KATNAL1: variants seen among roughly 807,000 people sequenced by gnomAD.
KATNAL1 encodes katanin catalytic subunit A1 like 1.
Under a neutral mutation model 55.2 loss-of-function variants are expected in KATNAL1, and 32 were observed. That is an observed-to-expected ratio of 0.58 (90% confidence interval 0.44 to 0.78). The LOEUF is 0.78. Among genes scored for constraint, KATNAL1 ranks in the 30% least tolerant of loss-of-function variants. KATNAL1 has a pLI of 0.00. For missense variants in KATNAL1, 466 were observed against 600.9 expected (o/e 0.78, Z 2.35); for synonymous variants, 193 against 193.6 (o/e 1.00, Z 0.02).
At chr13:30,238,854 C>T (rs929845131) in intron 6 of KATNAL1, among the ~76,000 whole-genome samples, 18 of 152,204 alleles carry the variant, frequency 1.2e-4, no homozygotes, top group African/African-American at 4.3e-4. Flanking sequence ...AATGGTATCA[C>T]ACAATGCAGG....
intron 6 of KATNAL1, among the ~76,000 whole-genome samples, chr13:30,234,076 T>C (rs1876395813): frequency 6.6e-6 from 1 of 152,204 alleles, no homozygotes; most frequent in Non-Finnish European, 1.5e-5. Context: ...GTTCTTAGCA[T>C]GAAGACAAAT....
At chr13:30,271,663 A>T (rs1880370301) in intron 3 of KATNAL1, among the ~76,000 whole-genome samples, 1 of 152,130 alleles carries the variant, frequency 6.6e-6, no homozygotes, top group Admixed American at 6.5e-5. Flanking sequence ...ATTACAATTC[A>T]ACATGAGATG....
At chr13:30,294,009 AT>A (rs1195195604) in intron 1 of KATNAL1, among the ~76,000 whole-genome samples, 1 of 152,182 alleles carries the variant, frequency 6.6e-6, no homozygotes, top group African/African-American at 2.4e-5. Flanking sequence ...GGTGAATATA[AT>A]TGATAAATAC....
intron 10 of KATNAL1, among the ~76,000 whole-genome samples, chr13:30,209,541 GA>G (rs145182050): frequency 2.0e-5 from 3 of 151,962 alleles, no homozygotes; most frequent in African/African-American, 4.8e-5. Flanking sequence ...AGAAAAATAA[GA>G]AAAAAAATAA....
At chr13:30,243,927 A>G (rs1017846493) in intron 4 of KATNAL1, among the ~76,000 whole-genome samples, 1 of 151,782 alleles carries the variant, frequency 6.6e-6, no homozygotes, top group African/African-American at 2.4e-5. Context: ...AAATCTCATT[A>G]TTTTTCTTTT....
chr13:30,241,003 T>C lies in KATNAL1; in HGVS notation c.576A>G (p.Glu192=). ...DGAGYDKDLV[E]ALERDIVSRN... ...TGGATACAATGTCTCTTTCAAGGGC[T>C]TCCACCAGATCCTTATCATAACCAG... The change falls in exon 5 of 11, where the codon GAA becomes GAG. Residue 192 remains glutamate, a synonymous_variant. Coordinates refer to ENST00000380615, the MANE Select transcript of KATNAL1 (RefSeq NM_032116.5). 7 of 1,613,666 alleles carry C rather than the reference T, an allele frequency of 4.3e-6. No individual in the cohort carries two copies. Among genetic ancestry groups the C allele is most frequent in the Non-Finnish European group, 5.9e-6 (7 of 1,179,760 alleles).
chr13:30,262,576 G>A (rs561733551), intron 3 of KATNAL1, among the ~76,000 whole-genome samples: 211 of 152,254 alleles, frequency 1.4e-3, no homozygotes, highest in African/African-American at 4.8e-3. Context: ...TACCATCAGA[G>A]AATACTATAA....
rs1219127536 is a variant in KATNAL1, at chr13:30,203,268, A to G, written c.*5272T>C. On this transcript the variant is annotated 3_prime_UTR_variant, in exon 11 of 11. Transcript: ENST00000380615. The stretch of plus-strand genomic sequence containing the variant: ...TTTAAACAATTTCAAGATTAAAAAG[A>G]AAAGTTAATGGGAGGAGGGCAACAG... 1 of 152,246 alleles carries G rather than the reference A, an allele frequency of 6.6e-6. No homozygotes were observed. The highest frequency in any genetic ancestry group is 1.5e-5 in the Non-Finnish European group (1 of 68,038). The allele number at this position is 152,246 out of a possible 1,614,324, so 9.4% of individuals were successfully genotyped here.
chr13:30,274,756 A>C (rs548538690), intron 3 of KATNAL1, among the ~76,000 whole-genome samples: 11 of 152,062 alleles, frequency 7.2e-5, no homozygotes, highest in Non-Finnish European at 7.4e-5. Context: ...AGTGTGTCAG[A>C]TCTCTGCACT....
In KATNAL1 at chr13:30,212,628, G is replaced by A. The variant is rs1161433504; in HGVS notation, c.1148-2186C>T. Reference sequence around the variant, plus strand: ...TCATCTATTAATACTGCAGCTGTGCGGCACTACCTAGCAATTCACTCCTAG... The same window carrying A: ...TCATCTATTAATACTGCAGCTGTGCAGCACTACCTAGCAATTCACTCCTAG... On this transcript the variant is annotated intron_variant, in intron 9 of 10. Transcript: ENST00000380615. Among the ~76,000 whole-genome samples the A allele has an allele frequency of 1.1e-4, 17 of 152,164 alleles. 1 individual carries two copies. The highest frequency in any genetic ancestry group is 5.2e-4 in the Admixed American group (8 of 15,276).
At chr13:30,262,922 A>G (rs1227037031) in intron 3 of KATNAL1, among the ~76,000 whole-genome samples, 1 of 152,226 alleles carries the variant, frequency 6.6e-6, no homozygotes, top group Admixed American at 6.5e-5. Context: ...CCCAAAAAAG[A>G]GAATTTCAGA....
chr13:30,243,531 G>A (rs1877473368), intron 4 of KATNAL1, among the ~76,000 whole-genome samples: 1 of 140,742 alleles, frequency 7.1e-6, no homozygotes, highest in African/African-American at 2.7e-5. Flanking sequence ...GGAAGACCAA[G>A]GAAACTAGAG....
chr13:30,207,439 T>C lies in KATNAL1; in HGVS notation c.*1101A>G, dbSNP rs769621032. The C allele has an allele frequency of 3.9e-5, 6 of 152,262 alleles. No homozygotes were observed. Among genetic ancestry groups the C allele is most frequent in the Non-Finnish European group, 8.8e-5 (6 of 68,044 alleles). The allele number at this position is 152,262 out of a possible 1,614,324, so 9.4% of individuals were successfully genotyped here. A position where few individuals can be genotyped will look rare whatever the true frequency, so the allele number is the denominator to read the frequency against. ...GATGCTGTTTTGTTAAACTAGCTGT[T>C]TGGAAAACAATAAAGATTTCATTTG... is the stretch of plus-strand genomic sequence containing the variant. On this transcript the variant is annotated 3_prime_UTR_variant, in exon 11 of 11. Coordinates refer to ENST00000380615, the MANE Select transcript of KATNAL1 (RefSeq NM_032116.5).
At position 30,208,719 on chromosome 13, in the gene KATNAL1, T is replaced by C. The variant is rs760092099; in HGVS notation, c.1294A>G (p.Met432Val). 1.2e-6 allele frequency: 2 copies of C among 1,611,360 alleles called. No homozygotes were observed. The highest frequency in any genetic ancestry group is 1.7e-5 in the Admixed American group (1 of 59,734). ...NVCRDASLMA[M>V]RRRINGLSPE... is the part of the protein sequence containing the mutation. ...CTTAAGCCATTGATACGCCGTCTCA[T>C]TGCCATTAAAGAGGCATCCCTAAAA... Residue 432 changes from methionine (M) to valine (V), a missense_variant, in exon 11 of 11, where the codon ATG (methionine) becomes GTG (valine). Physicochemically the swap from Met to Val is conservative, Grantham distance 21 (BLOSUM62 1). This residue lies in a region of KATNAL1 where 213 missense variants were observed against 308.6 expected (regional missense o/e 0.69). Coordinates refer to ENST00000380615, the MANE Select transcript of KATNAL1 (RefSeq NM_032116.5).
At chr13:30,243,496 G>C (rs1194375636) in intron 4 of KATNAL1, among the ~76,000 whole-genome samples, 2 of 151,116 alleles carry the variant, frequency 1.3e-5, no homozygotes, top group Non-Finnish European at 2.9e-5. Flanking sequence ...AGATGATAAA[G>C]GGTTCAAAAC....
At chr13:30,220,588 C>T (rs1353203082) in intron 9 of KATNAL1, among the ~76,000 whole-genome samples, 1 of 152,218 alleles carries the variant, frequency 6.6e-6, no homozygotes, top group Non-Finnish European at 1.5e-5. Context: ...GGAGTTAATT[C>T]TCAGAGTTGC....
chr13:30,210,631 G>A (rs1386976913), intron 9 of KATNAL1, 189 bp from the exon 10 acceptor site: 2 of 153,810 alleles, frequency 1.3e-5, no homozygotes, highest in Non-Finnish European at 2.5e-5. Flanking sequence ...ATGTGCCTCT[G>A]TTGCAGTAAC....
chr13:30,210,212 G>A, intron 10 of KATNAL1, 104 bp downstream of exon 10: 1 of 874,570 alleles, frequency 1.1e-6, no homozygotes, highest in Non-Finnish European at 1.6e-6. Context: ...ATGGGTAGCT[G>A]CTTTCATGTC....
At chr13:30,306,308 C>G (rs969330826) in intron 1 of KATNAL1, among the ~76,000 whole-genome samples, 2 of 151,942 alleles carry the variant, frequency 1.3e-5, no homozygotes, top group Non-Finnish European at 1.5e-5. Context: ...TTTTTCCTTC[C>G]GAAAACATGC....
Sources: allele counts gnomAD v4.1 joint callset (sites outside exome capture counted in the v4.1 genomes callset), GRCh38; gene constraint gnomAD v4.1.1; regional missense constraint gnomAD v4.1.1; transcripts MANE v1.5; gene names NCBI Gene and HGNC (gene_info 2026-07-23, HGNC 2026-07-21).